The following ADAM2 variants were observed in gnomAD, a reference collection of about 807,000 sequenced individuals.
The protein encoded by ADAM2 is ADAM metallopeptidase domain 2.
A neutral mutation model predicts 99.3 loss-of-function variants in ADAM2; 101 were observed. The ratio of observed to expected loss-of-function variants is 1.02; its 90% confidence interval spans 0.87 to 1.20. The LOEUF (loss-of-function observed/expected upper bound fraction) is 1.20. Among genes scored for constraint, ADAM2 ranks in the 50% most tolerant of loss-of-function variants. The probability of loss-of-function intolerance (pLI) is 0.00; values close to 1 mark genes in which losing one functional copy is unlikely to be tolerated. For synonymous variants in ADAM2, 323 were observed against 287.6 expected, an observed-to-expected ratio of 1.12 and a Z score of -1.25; for missense variants, 948 against 878.7, an observed-to-expected ratio of 1.08 and a Z score of -1.00.
chr8:39,747,788 CCAAA>C (rs1308942608), intron 18 of ADAM2, among the ~76,000 whole-genome samples: 1 of 152,144 alleles, frequency 6.6e-6, no homozygotes, highest in African/African-American at 2.4e-5. Context: ...AGCAGTGATG[CCAAA>C]CAATTTACCA....
Position 39,837,237 on chromosome 8 carries a change from T to G in ADAM2, c.56-25A>C, listed in dbSNP as rs562053327. ...TCTGCAAAATGTGCAAAATGTTTTA[T>G]TAGAACAATGCCCATCATTTCAGAG... On this transcript the variant is annotated intron_variant, in intron 1 of 20. Coordinates refer to ENST00000265708, the MANE Select transcript of ADAM2 (RefSeq NM_001464.5). 421 of 1,525,610 alleles carry G rather than the reference T, an allele frequency of 2.8e-4. 5 individuals are homozygous for G. In the South Asian group the frequency reaches 4.6e-3, roughly 17 times the overall value. 94.5% of individuals were successfully genotyped at this position (1,525,610 alleles called of 1,614,324 possible).
At chr8:39,758,305 G>A (rs938510834) in intron 15 of ADAM2, among the ~76,000 whole-genome samples, 1 of 151,894 alleles carries the variant, frequency 6.6e-6, no homozygotes, top group African/African-American at 2.4e-5. Flanking sequence ...CAATTATAAA[G>A]CAATATATAC....
chr8:39,749,823 C>A, intron 16 of ADAM2, 79 bp from the exon 17 acceptor site: 1 of 1,013,602 alleles, frequency 9.9e-7, no homozygotes, highest in East Asian at 2.5e-5. Flanking sequence ...CCATACCATA[C>A]CATATTACCA....
intron 3 of ADAM2, among the ~76,000 whole-genome samples, chr8:39,826,909 C>T (rs1489156784): frequency 6.6e-6 from 1 of 151,692 alleles, no homozygotes; most frequent in African/African-American, 2.4e-5. Context: ...AATGGGAGTA[C>T]ACAAAATTTA....
chr8:39,785,727 G>A (rs1267626202), intron 10 of ADAM2, among the ~76,000 whole-genome samples: 1 of 151,802 alleles, frequency 6.6e-6, no homozygotes, highest in Non-Finnish European at 1.5e-5. Context: ...ACCCAGGGAG[G>A]TGGAGGTTGC....
At chr8:39,744,464 A>G (rs1193836514) in intron 20 of ADAM2, among the ~76,000 whole-genome samples, 1 of 151,894 alleles carries the variant, frequency 6.6e-6, no homozygotes, top group Non-Finnish European at 1.5e-5. Flanking sequence ...AATATTTGGA[A>G]CTCACTCATG....
intron 6 of ADAM2, 80 bp from the exon 7 acceptor site, chr8:39,809,546 C>T (rs1325732026): frequency 3.1e-6 from 2 of 636,626 alleles, no homozygotes; most frequent in East Asian, 2.9e-5. Context: ...TATTAATGAA[C>T]TAAATATTGA....
chr8:39,822,614 TAGA>T (rs1411012537), intron 4 of ADAM2, among the ~76,000 whole-genome samples: 1 of 152,240 alleles, frequency 6.6e-6, no homozygotes, highest in African/African-American at 2.4e-5. Context: ...CTACTTCATT[TAGA>T]AGTTTACAAA....
intron 3 of ADAM2, among the ~76,000 whole-genome samples, chr8:39,830,863 G>A (rs1279081886): frequency 6.6e-6 from 1 of 152,148 alleles, no homozygotes; most frequent in African/African-American, 2.4e-5. Flanking sequence ...CAATGTGATG[G>A]TTTTAGGAGG....
intron 7 of ADAM2, among the ~76,000 whole-genome samples, chr8:39,793,703 C>T (rs938679458): frequency 1.3e-5 from 2 of 152,024 alleles, no homozygotes; most frequent in Admixed American, 1.3e-4. Flanking sequence ...GCTGTGGTGC[C>T]AAAATCTATT....
At chr8:39,778,164 A>C (rs1229398071) in intron 10 of ADAM2, among the ~76,000 whole-genome samples, 15 of 151,672 alleles carry the variant, frequency 9.9e-5, no homozygotes, top group Non-Finnish European at 2.2e-4. Context: ...GGAAAAATCC[A>C]CATATCCTGC....
At chr8:39,802,526 C>T (rs754702410) in intron 7 of ADAM2, among the ~76,000 whole-genome samples, 7 of 152,138 alleles carry the variant, frequency 4.6e-5, no homozygotes, top group Admixed American at 2.0e-4. Flanking sequence ...CTTCTTATTT[C>T]CTTCAATATC....
chr8:39,795,034 T>C (rs1264469370), intron 7 of ADAM2, among the ~76,000 whole-genome samples: 1 of 152,126 alleles, frequency 6.6e-6, no homozygotes, highest in African/African-American at 2.4e-5. Flanking sequence ...TGTGTTATAC[T>C]TTATCTACTA....
chr8:39,805,504 T>C (rs1371522308), intron 7 of ADAM2, among the ~76,000 whole-genome samples: 1 of 152,124 alleles, frequency 6.6e-6, no homozygotes, highest in Non-Finnish European at 1.5e-5. Flanking sequence ...TCAAAAATCA[T>C]TTCAAGATTC....
chr8:39,792,463 T>G (rs1033810669), intron 7 of ADAM2, among the ~76,000 whole-genome samples: 12 of 152,066 alleles, frequency 7.9e-5, no homozygotes, highest in African/African-American at 2.9e-4. Context: ...ACTGTAAGAC[T>G]GATGAAACCC....
At chr8:39,759,669 G>A (rs1802277153) in intron 15 of ADAM2, among the ~76,000 whole-genome samples, 1 of 152,130 alleles carries the variant, frequency 6.6e-6, no homozygotes, top group African/African-American at 2.4e-5. Context: ...AGAAGAGTTG[G>A]AACAACAGAA....
chr8:39,754,988 A>G (rs1177189248), intron 16 of ADAM2, among the ~76,000 whole-genome samples: 1 of 152,212 alleles, frequency 6.6e-6, no homozygotes, highest in African/African-American at 2.4e-5. Flanking sequence ...GTTCATAAAA[A>G]TTAAGTTATT....
intron 6 of ADAM2, 111 bp from the exon 7 acceptor site, chr8:39,809,577 G>A (rs1804607172): frequency 8.9e-6 from 5 of 562,448 alleles, no homozygotes; most frequent in Non-Finnish European, 1.6e-5. Flanking sequence ...TTTGCATATA[G>A]AAATAAAACC....
intron 18 of ADAM2, among the ~76,000 whole-genome samples, chr8:39,748,666 C>T (rs1211453980): frequency 6.6e-6 from 1 of 152,152 alleles, no homozygotes; most frequent in African/African-American, 2.4e-5. Flanking sequence ...ATCAATATCA[C>T]AGGGAACCGC....
Sources: gnomAD v4.1 joint callset for allele counts (sites outside exome capture counted in the v4.1 genomes callset) on GRCh38, gnomAD v4.1.1 for gene constraint, MANE v1.5 for transcripts, NCBI Gene and HGNC (gene_info 2026-07-23, HGNC 2026-07-21) for gene names.